NAA35: variants seen among roughly 807,000 people sequenced by gnomAD.
NAA35 encodes the protein MAK10 homolog, amino-acid N-acetyltransferase subunit.
A neutral mutation model predicts 101.7 loss-of-function variants in NAA35; 18 were observed. The ratio of observed to expected loss-of-function variants is 0.18; its 90% CI spans 0.12 to 0.26. The LOEUF (loss-of-function observed/expected upper bound fraction) is 0.26. Ranked by LOEUF, NAA35 falls within the 10% of genes least tolerant of loss-of-function variation. The probability of loss-of-function intolerance (pLI) is 1.00; values close to 1 mark genes in which losing one functional copy is unlikely to be tolerated. For missense variants in NAA35, 601 were observed against 886.8 expected (o/e 0.68, Z 4.09); for synonymous variants, 267 against 273.1 (o/e 0.98, Z 0.22).
At chr9:85,963,103 A>T in intron 6 of NAA35, among the ~76,000 whole-genome samples, 1 of 152,064 alleles carries the variant, frequency 6.6e-6, no homozygotes, top group East Asian at 1.9e-4. Context: ...TTCTGTTGAA[A>T]CTGATATTTC....
chr9:86,011,800 CATTAT>C (rs1258181655), intron 15 of NAA35, among the ~76,000 whole-genome samples: 1 of 144,710 alleles, frequency 6.9e-6, no homozygotes, highest in Non-Finnish European at 1.5e-5. Flanking sequence ...TATATAATTA[CATTAT>C]ATATGTACAT....
intron 12 of NAA35, among the ~76,000 whole-genome samples, chr9:85,998,321 A>G (rs1466525434): frequency 6.6e-6 from 1 of 152,170 alleles, no homozygotes; most frequent in East Asian, 1.9e-4. Flanking sequence ...TTTCATGTCA[A>G]CAAATACATG....
intron 12 of NAA35, 39 bp downstream of exon 12, chr9:85,996,616 T>TA (rs752645607): frequency 7.8e-6 from 11 of 1,412,424 alleles, no homozygotes; most frequent in East Asian, 2.5e-5. Context: ...AACTTCCATT[T>TA]AAAAAAAATT....
Position 86,022,018 on chromosome 9 carries a change from G to C in NAA35, c.*58G>C. On this transcript the variant is annotated 3_prime_UTR_variant, in exon 23 of 23. Coordinates refer to ENST00000361671, the MANE Select transcript of NAA35 (RefSeq NM_024635.4). ...AGTCTTCTTTCAGACCCAACTCTTAGAGGGCACATCACCAGGCTCCACATC... is the reference window on the plus strand; with the variant it reads ...AGTCTTCTTTCAGACCCAACTCTTACAGGGCACATCACCAGGCTCCACATC... 1 of 1,328,162 alleles carries C rather than the reference G, an allele frequency of 7.5e-7. No homozygotes were observed. The highest frequency in any genetic ancestry group is 1.5e-5 in the African/African-American group (1 of 68,092). 82.3% of individuals were successfully genotyped at this position (1,328,162 alleles called of 1,614,324 possible).
intron 2 of NAA35, among the ~76,000 whole-genome samples, chr9:85,948,557 C>A (rs147965240): frequency 5.2e-4 from 79 of 152,198 alleles, no homozygotes; most frequent in Middle Eastern, 3.4e-3. Context: ...TCATTATTAT[C>A]TTCTTGAGTA....
intron 4 of NAA35, 87 bp from the exon 5 acceptor site, chr9:85,959,706 T>A: frequency 1.2e-6 from 1 of 811,068 alleles, no homozygotes; most frequent in Non-Finnish European, 2.0e-6. Flanking sequence ...AAATATTGAA[T>A]GTTAGAAATC....
chr9:85,970,694 A>G (rs555722141), intron 6 of NAA35, among the ~76,000 whole-genome samples: 3 of 152,304 alleles, frequency 2.0e-5, no homozygotes, highest in Non-Finnish European at 2.9e-5. Flanking sequence ...AAAATATACT[A>G]TTTTGAAGTA....
chr9:85,983,476 T>TGC (rs997594766), intron 11 of NAA35, among the ~76,000 whole-genome samples: 1 of 152,132 alleles, frequency 6.6e-6, no homozygotes, highest in Non-Finnish European at 1.5e-5. Flanking sequence ...TTTTGGTATG[T>TGC]GCTCTAGTTT....
intron 17 of NAA35, among the ~76,000 whole-genome samples, chr9:86,015,219 C>T (rs960867418): frequency 2.6e-5 from 4 of 152,012 alleles, no homozygotes; most frequent in East Asian, 1.9e-4. Context: ...ATAAATGAGA[C>T]GCAGATAAAT....
At position 86,021,048 on chromosome 9, in the gene NAA35, T is replaced by C. The variant is rs543873166; in HGVS notation, c.2118+79T>C. The C allele has an allele frequency of 5.4e-5, 58 of 1,065,788 alleles. No individual in the cohort carries two copies. The African/African-American group carries it at 8.4e-4, about 16-fold the overall frequency. The allele number at this position is 1,065,788 out of a possible 1,614,324, so 66.0% of individuals were successfully genotyped here. ...AGTTTTGCAATAAGATGTGTAAATA[T>C]TACAGGAAAAATTAAACCACTGAAC... is the stretch of plus-strand genomic sequence containing the variant. On this transcript the variant is annotated intron_variant, in intron 22 of 22. Coordinates refer to ENST00000361671, the MANE Select transcript of NAA35 (RefSeq NM_024635.4).
intron 15 of NAA35, among the ~76,000 whole-genome samples, chr9:86,011,170 C>CA (rs769711780): frequency 4.3e-4 from 65 of 150,546 alleles, no homozygotes; most frequent in Non-Finnish European, 7.1e-4. Flanking sequence ...ACCCAGAAGG[C>CA]AGAGGTTGCA....
chr9:85,996,570 G>T lies in NAA35; in HGVS notation c.1049G>T (p.Cys350Phe). 1 of 1,563,152 alleles carries T rather than the reference G, an allele frequency of 6.4e-7. No individual in the cohort carries two copies. Among genetic ancestry groups the T allele is most frequent in the Non-Finnish European group, 8.6e-7 (1 of 1,161,942 alleles). ...CEVVNLTNLH[C>F]ILDFFCEFSE... ...GTTGTGAATTTAACAAATTTACATT[G>T]TATCCTGGTAAGTACAAATCTCTGT... The change falls in exon 12 of 23, where the codon TGT (cysteine) becomes TTT (phenylalanine). Residue 350 changes from cysteine (C) to phenylalanine (F), a missense_variant. By Grantham distance (205) the Cys-to-Phe change is radical. This residue lies in a region of NAA35 where 190 missense variants were observed against 223.1 expected (regional missense o/e 0.85). Coordinates refer to ENST00000361671, the MANE Select transcript of NAA35 (RefSeq NM_024635.4).
rs748834656 is a variant in NAA35 at position 86,022,011 on chromosome 9, A to G, written c.*51A>G. The G allele has an allele frequency of 1.4e-6, 2 of 1,412,178 alleles. No individual in the cohort carries two copies. Among genetic ancestry groups the G allele is most frequent in the South Asian group, 2.4e-5 (2 of 84,208 alleles). 87.5% of individuals were successfully genotyped at this position (1,412,178 alleles called of 1,614,324 possible). A position where few individuals can be genotyped will look rare whatever the true frequency, so the allele number is the denominator to read the frequency against. ...GGGGCAGAGTCTTCTTTCAGACCCA[A>G]CTCTTAGAGGGCACATCACCAGGCT... On this transcript the variant is annotated 3_prime_UTR_variant, in exon 23 of 23. Transcript: ENST00000361671.
intron 2 of NAA35, among the ~76,000 whole-genome samples, chr9:85,948,933 T>C (rs1828884283): frequency 6.6e-6 from 1 of 152,054 alleles, no homozygotes; most frequent in Admixed American, 6.6e-5. Flanking sequence ...ATCTTTGTAT[T>C]TTTAGTAGAG....
At position 86,018,334 on chromosome 9, in the gene NAA35, A is replaced by G; in HGVS notation, c.1853A>G (p.His618Arg). 10 of 1,614,116 alleles carry G rather than the reference A, an allele frequency of 6.2e-6. No homozygotes were observed. The highest frequency in any genetic ancestry group is 1.3e-5 in the African/African-American group (1 of 75,054). Residue 618 changes from histidine to arginine, a missense_variant, in exon 20 of 23, where the codon CAC becomes CGC. Around this residue, in one of 8 missense-constraint regions of NAA35, gnomAD observed 90 missense variants for 108.7 expected, o/e 0.83. Coordinates refer to ENST00000361671, the MANE Select transcript of NAA35 (RefSeq NM_024635.4). ...ELDSEQVRYE[H>R]RFAPFNSVMT... ...GATAGTGAACAAGTTCGGTATGAAC[A>G]CAGGTTTGCTCCATTCAACAGTGTG...
chr9:85,985,702 C>A (rs1205670141), intron 11 of NAA35, among the ~76,000 whole-genome samples: 2 of 151,956 alleles, frequency 1.3e-5, no homozygotes, highest in African/African-American at 2.4e-5. Flanking sequence ...ATTAAAAAAA[C>A]CATTGAATTG....
chr9:85,977,370 A>G lies in NAA35; in HGVS notation c.686A>G (p.Gln229Arg). The G allele has an allele frequency of 6.2e-7, 1 of 1,611,208 alleles. No homozygotes were observed. ...RDPEVELEHQQCLAVFSRVKF... is the reference protein window; with the variant it reads ...RDPEVELEHQRCLAVFSRVKF... ...CCTTTCTTGTTTTTTTAGCACCAAC[A>G]ATGTTTAGCAGTATTCAGCAGAGTG... The change falls in exon 10 of 23, where the codon CAA becomes CGA. Residue 229 changes from glutamine to arginine, a missense_variant. This residue lies in a region of NAA35 where 86 missense variants were observed against 169.4 expected (regional missense o/e 0.51). Transcript: ENST00000361671.
At position 85,942,174 on chromosome 9, in the gene NAA35, T is replaced by A. The variant is rs774378716; in HGVS notation, c.15T>A (p.Ala5=). The A allele has an allele frequency of 6.2e-7, 1 of 1,614,126 alleles. No individual in the cohort carries two copies. The highest frequency in any genetic ancestry group is 8.5e-7 in the Non-Finnish European group (1 of 1,180,002). Residue 5 remains alanine, a synonymous_variant, in exon 2 of 23, where the codon GCT becomes GCA. Transcript: ENST00000361671. MVMK[A]SVDDDDSGWE... ...TTACAGGCATAATGGTTATGAAAGC[T>A]TCTGTAGATGATGACGATTCAGGAT... is the stretch of plus-strand genomic sequence containing the variant.
chr9:85,949,502 C>T (rs570671641), intron 2 of NAA35, among the ~76,000 whole-genome samples: 65 of 152,092 alleles, frequency 4.3e-4, no homozygotes, highest in Non-Finnish European at 6.0e-4. Context: ...ACTGTGTTGG[C>T]TAGGCTGGTC....
Sources: allele counts gnomAD v4.1 joint callset (sites outside exome capture counted in the v4.1 genomes callset), GRCh38; gene constraint gnomAD v4.1.1; regional missense constraint gnomAD v4.1.1; transcripts MANE v1.5; gene names NCBI Gene and HGNC (gene_info 2026-07-23, HGNC 2026-07-21).